Variants in SEZ6L2 observed in about 807,000 individuals in gnomAD.
The protein encoded by SEZ6L2 is seizure related 6 homolog like 2, also known as seizure 6-like protein 2.
SEZ6L2 carries 44 observed loss-of-function variants against 97.0 expected under a neutral mutation model. The observed-to-expected ratio is 0.45, with a 90% confidence interval of 0.36 to 0.58. The LOEUF (loss-of-function observed/expected upper bound fraction) is 0.58. Among genes scored for constraint, SEZ6L2 ranks in the 20% least tolerant of loss-of-function variants. The probability of loss-of-function intolerance (pLI) is 0.00; values close to 1 mark genes in which losing one functional copy is unlikely to be tolerated. For synonymous variants in SEZ6L2, 543 were observed against 546.1 expected, an observed-to-expected ratio of 0.99 and a Z score of 0.08; for missense variants, 1,086 against 1,233.3, an observed-to-expected ratio of 0.88 and a Z score of 1.79.
chr16:29,887,754 C>T lies in SEZ6L2; in HGVS notation c.1103G>A (p.Gly368Glu). Residue 368 changes from glycine (G) to glutamate (E), a missense_variant, in exon 7 of 18, where the codon GGA becomes GAA. By Grantham distance (98) the Gly-to-Glu change is moderately conservative. Around this residue, in one of 2 missense-constraint regions of SEZ6L2, gnomAD observed 776 missense variants for 794.7 expected, o/e 0.98. Transcript: ENST00000617533. ...GCAGGTGAGGTTGGGCCCTACGGCT[C>T]CCCCAGGCTCTGGGGACACGATGCG... ...LGRIVSPEPG[G>E]AVGPNLTCRW... 5.0e-6 allele frequency: 8 copies of T among 1,613,620 alleles called. No homozygotes were observed. The highest frequency in any genetic ancestry group is 6.8e-6 in the Non-Finnish European group (8 of 1,179,808).
rs1312871804 is a variant in SEZ6L2, at chr16:29,887,750, G to A, written c.1107C>T (p.Ala369=). The change falls in exon 7 of 18, where the codon GCC becomes GCT. Residue 369 remains alanine, a synonymous_variant. Transcript: ENST00000617533. ...GRIVSPEPGG[A]VGPNLTCRWV... is the part of the protein sequence containing the mutation. ...AACGGCAGGTGAGGTTGGGCCCTAC[G>A]GCTCCCCCAGGCTCTGGGGACACGA... 7 of 1,613,556 alleles carry A rather than the reference G, an allele frequency of 4.3e-6. No individual in the cohort carries two copies. Among genetic ancestry groups the A allele is most frequent in the East Asian group, 4.5e-5 (2 of 44,854 alleles).
Position 29,899,239 on chromosome 16 carries a change from C to T in SEZ6L2, c.-220G>A. 1.9e-6 allele frequency: 1 copy of T among 526,572 alleles called. No homozygotes were observed. Among genetic ancestry groups the T allele is most frequent in the Non-Finnish European group, 3.3e-6 (1 of 300,460 alleles). 32.6% of individuals were successfully genotyped at this position (526,572 alleles called of 1,614,324 possible). On this transcript the variant is annotated 5_prime_UTR_variant, in exon 1 of 18. Transcript: ENST00000617533. ...CCCACCCCCCTTTGCTCAGTCTCCT[C>T]TGTCCTCTTCTCGCGGCTCTGTGGT...
At chr16:29,881,807 T>G (rs1268842227) in intron 8 of SEZ6L2, among the ~76,000 whole-genome samples, 1 of 150,854 alleles carries the variant, frequency 6.6e-6, no homozygotes. Context: ...TTTGTATTTT[T>G]TTAGTAGAGA....
rs777251117 is a variant in SEZ6L2, at chr16:29,895,834, C to A, written c.538G>T (p.Gly180Cys). ...TCTGGAGACTCCACATACCCTTCGC[C>A]CTCGGAGATGTTGTTATTACACAGA... ...PVLCNNNISE[G>C]EGYVESPDLG... Residue 180 changes from glycine to cysteine, a missense_variant, in exon 4 of 18, where the codon GGC becomes TGC. Transcript: ENST00000617533. 11 of 1,613,670 alleles carry A rather than the reference C, an allele frequency of 6.8e-6. 1 individual carries two copies. In the East Asian group the frequency reaches 2.2e-4, roughly 33 times the overall value.
intron 9 of SEZ6L2, 102 bp from the exon 10 acceptor site, chr16:29,878,527 T>C: frequency 1.2e-6 from 1 of 836,736 alleles, no homozygotes; most frequent in Non-Finnish European, 1.7e-6. Context: ...ATCACCTCGC[T>C]TGTTTCCTAT....
chr16:29,895,320 C>A lies in SEZ6L2; in HGVS notation c.792G>T (p.Leu264=). The A allele has an allele frequency of 6.2e-7, 1 of 1,614,164 alleles. No homozygotes were observed. The highest frequency in any genetic ancestry group is 1.1e-5 in the South Asian group (1 of 91,084). The change falls in exon 5 of 18, where the codon CTG becomes CTT. Residue 264 remains leucine (L), a synonymous_variant. Transcript: ENST00000617533. ...GQVLRSPTNR[L]LLHFQSPRVP... is the part of the protein sequence containing the mutation. ...CCCGTGGGCTCTGGAAGTGCAGAAG[C>A]AGCCGGTTGGTTGGGCTCCGAAGGA...
Position 29,899,505 on chromosome 16 carries a change from G to A in SEZ6L2, c.-486C>T, listed in dbSNP as rs1023562417. On this transcript the variant is annotated 5_prime_UTR_variant, in exon 1 of 18. Coordinates refer to ENST00000617533, the MANE Select transcript of SEZ6L2 (RefSeq NM_001243332.2). Reference sequence around the variant, plus strand: ...GGGAAGGGGTGGGTTGGGGAACTGGGAGAGCCGAAGCTCGGGCACTGGAGC... The same window carrying A: ...GGGAAGGGGTGGGTTGGGGAACTGGAAGAGCCGAAGCTCGGGCACTGGAGC... 6.3e-6 allele frequency: 1 copy of A among 158,108 alleles called. No homozygotes were observed. The highest frequency in any genetic ancestry group is 1.4e-5 in the Non-Finnish European group (1 of 72,074). The allele number at this position is 158,108 out of a possible 1,614,324, so 9.8% of individuals were successfully genotyped here. A position where few individuals can be genotyped will look rare whatever the true frequency, so the allele number is the denominator to read the frequency against.
At position 29,895,777 on chromosome 16, in the gene SEZ6L2, G is replaced by A; in HGVS notation, c.595C>T (p.Leu199Phe). ...LGSPVSRTLGLLDCTYSIHVY... is the reference protein window; with the variant it reads ...LGSPVSRTLGFLDCTYSIHVY... Reference sequence around the variant, plus strand: ...TGGATGCTGTAAGTGCAGTCCAGGAGCCCCAGGGTGCGGCTGACGGGGCTC... The same window carrying A: ...TGGATGCTGTAAGTGCAGTCCAGGAACCCCAGGGTGCGGCTGACGGGGCTC... Residue 199 changes from leucine to phenylalanine, a missense_variant, in exon 4 of 18, where the codon CTC becomes TTC. Physicochemically the swap from Leu to Phe is conservative, Grantham distance 22. Coordinates refer to ENST00000617533, the MANE Select transcript of SEZ6L2 (RefSeq NM_001243332.2). 1 of 1,614,092 alleles carries A rather than the reference G, an allele frequency of 6.2e-7. No individual in the cohort carries two copies. The highest frequency in any genetic ancestry group is 2.2e-5 in the East Asian group (1 of 44,874).
chr16:29,885,873 T>G (rs1252305101), intron 7 of SEZ6L2, 124 bp from the exon 8 acceptor site: 1 of 852,740 alleles, frequency 1.2e-6, no homozygotes, highest in Non-Finnish European at 1.7e-6. Flanking sequence ...CCACGCACTC[T>G]TCTAAGCCCT....
At chr16:29,877,250 C>A in intron 11 of SEZ6L2, 21 bp downstream of exon 11, 1 of 1,532,158 alleles carries the variant, frequency 6.5e-7, no homozygotes, top group Non-Finnish European at 8.8e-7. Context: ...CTGCCCATCC[C>A]GGGACTCTAT....
chr16:29,884,337 A>G (rs1279472627), intron 8 of SEZ6L2, among the ~76,000 whole-genome samples: 1 of 152,022 alleles, frequency 6.6e-6, no homozygotes, highest in Non-Finnish European at 1.5e-5. Context: ...TACACCTGTA[A>G]TCCTGGCACT....
intron 5 of SEZ6L2, among the ~76,000 whole-genome samples, chr16:29,893,749 T>C (rs1160328360): frequency 6.6e-6 from 1 of 152,124 alleles, no homozygotes; most frequent in Non-Finnish European, 1.5e-5. Flanking sequence ...ATGGTCTGAA[T>C]CTGACCTGCC....
chr16:29,874,962 A>G (rs1474891649), intron 12 of SEZ6L2, among the ~76,000 whole-genome samples: 1 of 151,694 alleles, frequency 6.6e-6, no homozygotes, highest in Non-Finnish European at 1.5e-5. Context: ...GCAGCCTCAA[A>G]CTCCTGGGCT....
intron 5 of SEZ6L2, among the ~76,000 whole-genome samples, chr16:29,893,507 C>A (rs577847033): frequency 2.3e-4 from 35 of 151,528 alleles, no homozygotes; most frequent in Admixed American, 1.1e-3. Context: ...ATTAGCCAGG[C>A]GTAGTGGCAG....
intron 7 of SEZ6L2, among the ~76,000 whole-genome samples, chr16:29,887,283 T>TA (rs1267435554): frequency 6.6e-6 from 1 of 150,430 alleles, no homozygotes; most frequent in Non-Finnish European, 1.5e-5. Context: ...TTAGCCTCCC[T>TA]ACTTCCCTGA....
Position 29,877,483 on chromosome 16 carries a change from C to G in SEZ6L2, c.1713-16G>C. ...CACATTCAATCTGCAGGGGGTGAGA[C>G]CAGGCAATGGGGCGGGGCTGCGACT... is the stretch of plus-strand genomic sequence containing the variant. On this transcript the variant is annotated splice_polypyrimidine_tract_variant and intron_variant, in intron 10 of 17. Coordinates refer to ENST00000617533, the MANE Select transcript of SEZ6L2 (RefSeq NM_001243332.2). 1 of 1,569,104 alleles carries G rather than the reference C, an allele frequency of 6.4e-7. No homozygotes were observed. The highest frequency in any genetic ancestry group is 8.6e-7 in the Non-Finnish European group (1 of 1,156,086).
At position 29,897,844 on chromosome 16, in the gene SEZ6L2, G is replaced by A; in HGVS notation, c.211+9C>T. 3 of 1,596,278 alleles carry A rather than the reference G, an allele frequency of 1.9e-6. No individual in the cohort carries two copies. Among genetic ancestry groups the A allele is most frequent in the Non-Finnish European group, 2.6e-6 (3 of 1,174,646 alleles). ...CTCTAGGCCACTCCTGCCACTCTGG[G>A]GGCCTCACCTGGCAGGTAGCCCATC... On this transcript the variant is annotated intron_variant, in intron 2 of 17. Coordinates refer to ENST00000617533, the MANE Select transcript of SEZ6L2 (RefSeq NM_001243332.2).
rs1239533005 is a variant in SEZ6L2 at position 29,876,757 on chromosome 16, CTT to C, written c.2101_2102del (p.Lys701AspfsTer6). 2 of 1,545,558 alleles carry C rather than the reference CTT, an allele frequency of 1.3e-6. No individual in the cohort carries two copies. Among genetic ancestry groups the C allele is most frequent in the South Asian group, 1.2e-5 (1 of 84,574 alleles). Reference sequence around the variant, plus strand: ...GGGACGCGGGCGGGGCCGGCTCACTCTTTTGGCAGGCGGGCGGCGCGGCGCTC... The same window carrying C: ...GGGACGCGGGCGGGGCCGGCTCACTCTTGGCAGGCGGGCGGCGCGGCGCTC... ...SWSAAPPACQ[K>X]IMTCADPGEI... On this transcript the variant is annotated frameshift_variant and splice_region_variant, in exon 12 of 18. Transcript: ENST00000617533. LOFTEE classifies it high-confidence loss of function. The surrounding 1 kb of genome is among the most constrained non-coding windows in gnomAD (Gnocchi z 6.5).
At chr16:29,887,608 G>A (rs774678546) in intron 7 of SEZ6L2, 41 bp downstream of exon 7, 31 of 1,513,046 alleles carry the variant, frequency 2.0e-5, no homozygotes, top group South Asian at 1.3e-4. Context: ...CACCATGCCC[G>A]GCCAAGGTGG....
Sources: gnomAD v4.1 joint callset for allele counts (sites outside exome capture counted in the v4.1 genomes callset) on GRCh38, gnomAD v4.1.1 for gene constraint, gnomAD v4.1.1 regional missense constraint, Gnocchi (gnomAD v3.1) non-coding constraint, MANE v1.5 for transcripts, NCBI Gene and HGNC (gene_info 2026-07-23, HGNC 2026-07-21) for gene names.